Variants in AFF2 observed in about 807,000 individuals in gnomAD.
AFF2 encodes the protein AF4/FMR2 family member 2.
Under a neutral mutation model 76.9 loss-of-function variants are expected in AFF2, and 14 were observed. The ratio of observed to expected loss-of-function variants is 0.18; its 90% CI spans 0.12 to 0.28. The LOEUF (loss-of-function observed/expected upper bound fraction) is 0.28. AFF2 is among the 10% of genes least tolerant of loss of function. The probability of loss-of-function intolerance (pLI) is 1.00; values close to 1 mark genes in which losing one functional copy is unlikely to be tolerated. For synonymous variants in AFF2, 398 were observed against 366.7 expected (o/e 1.09, Z -0.98); for missense variants, 868 against 1,001.1 (o/e 0.87, Z 1.79).
intron 3 of AFF2, among the ~76,000 whole-genome samples, chrX:148,727,708 C>A (rs2055176583): frequency 8.9e-6 from 1 of 112,024 alleles, no homozygotes; most frequent in African/African-American, 3.2e-5. Flanking sequence ...ACTCCCAACT[C>A]TACCTTTTGA....
At chrX:148,833,909 T>G (rs1557273551) in intron 4 of AFF2, among the ~76,000 whole-genome samples, 1 of 111,997 alleles carries the variant, frequency 8.9e-6, no homozygotes, top group Non-Finnish European at 1.9e-5. Context: ...GAGTACAGGA[T>G]CCATTTGAGA....
chrX:148,810,826 A>G (rs2070193740), intron 4 of AFF2, among the ~76,000 whole-genome samples: 1 of 111,645 alleles, frequency 9.0e-6, no homozygotes, highest in Non-Finnish European at 1.9e-5. Context: ...AAAATAATCT[A>G]TGTGCCAGTG....
chrX:148,764,234 GTTACAT>G (rs781884951), intron 3 of AFF2, among the ~76,000 whole-genome samples: 2 of 112,210 alleles, frequency 1.8e-5, no homozygotes, highest in African/African-American at 3.2e-5. Context: ...GACAGGAACA[GTTACAT>G]TTACATCATT....
intron 1 of AFF2, among the ~76,000 whole-genome samples, chrX:148,513,237 G>A (rs952074058): frequency 1.9e-4 from 21 of 111,953 alleles, no homozygotes; most frequent in African/African-American, 9.8e-5. Flanking sequence ...CTTTGCCTAC[G>A]TGCCTATACT....
chrX:148,708,886 T>C lies in AFF2; in HGVS notation c.1041+46118T>C, dbSNP rs782734075. ...TTTAAATTACTATATATTTTACCGTTTTTCTGTATTTAGTAAGAAATTTGC... is the reference window on the plus strand; with the variant it reads ...TTTAAATTACTATATATTTTACCGTCTTTCTGTATTTAGTAAGAAATTTGC... On this transcript the variant is annotated intron_variant, in intron 3 of 20. Coordinates refer to ENST00000370460, the MANE Select transcript of AFF2 (RefSeq NM_002025.4). Among the ~76,000 whole-genome samples the C allele has an allele frequency of 2.7e-5, 3 of 112,178 alleles. No homozygotes were observed. The South Asian group carries it at 1.1e-3, about 41-fold the overall frequency.
At chrX:148,642,811 A>G (rs1202569778) in intron 1 of AFF2, among the ~76,000 whole-genome samples, 1 of 112,468 alleles carries the variant, frequency 8.9e-6, no homozygotes, top group African/African-American at 3.2e-5. Context: ...GATGACATCA[A>G]CTGTGTACTC....
At chrX:148,890,938 T>A (rs187937004) in intron 8 of AFF2, among the ~76,000 whole-genome samples, 2 of 112,462 alleles carry the variant, frequency 1.8e-5, no homozygotes, top group East Asian at 5.6e-4. Context: ...ACTTAGTGTC[T>A]GAATAAACAT....
At position 148,996,435 on chromosome X, in the gene AFF2, C is replaced by G. The variant is rs1052548631; in HGVS notation, c.*5103C>G. On this transcript the variant is annotated 3_prime_UTR_variant, in exon 21 of 21. Coordinates refer to ENST00000370460, the MANE Select transcript of AFF2 (RefSeq NM_002025.4). ...CTACCAACTGTGATGTCACTGAACA[C>G]ATGGTTGGAAAGAGATGCACGCAGT... The G allele has an allele frequency of 2.8e-4, 32 of 112,702 alleles. No homozygotes were observed. Among genetic ancestry groups the G allele is most frequent in the African/African-American group, 1.0e-3 (32 of 31,001 alleles). The allele number at this position is 112,702 out of a possible 1,213,427, so 9.3% of individuals were successfully genotyped here. A position where few individuals can be genotyped will look rare whatever the true frequency, so the allele number is the denominator to read the frequency against.
chrX:148,712,320 T>G (rs1477621685), intron 3 of AFF2, among the ~76,000 whole-genome samples: 4 of 111,754 alleles, frequency 3.6e-5, no homozygotes, highest in Non-Finnish European at 7.5e-5. Context: ...AAGATTAAGT[T>G]CCTGAAAAAC....
chrX:148,881,570 G>T (rs912956688), intron 7 of AFF2, among the ~76,000 whole-genome samples: 3 of 111,389 alleles, frequency 2.7e-5, no homozygotes, highest in African/African-American at 9.8e-5. Flanking sequence ...AGATCTGATG[G>T]ATTTAGGCCA....
chrX:148,955,842 G>A lies in AFF2; in HGVS notation c.1797G>A (p.Arg599=), dbSNP rs1206836902. ...LSLIREKARP[R]PTQKIPETKA... ...TCATTAGGGAGAAAGCCCGTCCACGGCCCACTCAGAAAATTCCAGAAACAA... is the reference window on the plus strand; with the variant it reads ...TCATTAGGGAGAAAGCCCGTCCACGACCCACTCAGAAAATTCCAGAAACAA... Residue 599 remains arginine (R), a synonymous_variant, in exon 11 of 21, where the codon CGG becomes CGA. Coordinates refer to ENST00000370460, the MANE Select transcript of AFF2 (RefSeq NM_002025.4). 2.5e-6 allele frequency: 3 copies of A among 1,209,431 alleles called. No individual in the cohort carries two copies. Among genetic ancestry groups the A allele is most frequent in the Non-Finnish European group, 2.2e-6 (2 of 895,172 alleles).
chrX:148,916,196 CTTTTTTTTTTT>C (rs782508166), intron 9 of AFF2, among the ~76,000 whole-genome samples: 16 of 34,038 alleles, frequency 4.7e-4, no homozygotes, highest in Admixed American at 1.7e-3. Flanking sequence ...GTGGTTTTAA[CTTTTTTTTTTT>C]TTTTTTTTTT....
At chrX:148,546,562 T>C (rs929391024) in intron 1 of AFF2, among the ~76,000 whole-genome samples, 2 of 112,437 alleles carry the variant, frequency 1.8e-5, no homozygotes, top group African/African-American at 6.5e-5. Context: ...AGAACTGAAT[T>C]TGAGACCCAG....
At chrX:148,953,847 A>C in intron 10 of AFF2, 108 bp downstream of exon 10, 1 of 653,609 alleles carries the variant, frequency 1.5e-6, no homozygotes, top group Non-Finnish European at 2.2e-6. Context: ...TTTCAGCACA[A>C]TAATTAATAA....
chrX:148,634,672 A>C (rs781794213), intron 1 of AFF2, among the ~76,000 whole-genome samples: 1 of 112,033 alleles, frequency 8.9e-6, no homozygotes, highest in Non-Finnish European at 1.9e-5. Context: ...AATGATGTGT[A>C]TAAAGCAATT....
chrX:148,843,291 G>C, intron 6 of AFF2, 91 bp from the exon 7 acceptor site: 1 of 790,053 alleles, frequency 1.3e-6, no homozygotes. Context: ...AGGTAACTCG[G>C]GGGACTGCAT....
chrX:148,697,604 A>G (rs2054735704), intron 3 of AFF2, among the ~76,000 whole-genome samples: 1 of 110,323 alleles, frequency 9.1e-6, no homozygotes. Context: ...ACTTTTTTCA[A>G]TCTTTCCCCT....
chrX:148,935,714 A>G (rs1374382209), intron 9 of AFF2, among the ~76,000 whole-genome samples: 2 of 111,819 alleles, frequency 1.8e-5, no homozygotes, highest in Admixed American at 1.9e-4. Flanking sequence ...CAATTTTGAT[A>G]TTTCACAAGA....
rs182957432 is a variant in AFF2 at position 148,855,027 on chromosome X, T to A, written c.1262+11594T>A. 1.6e-4 allele frequency among the ~76,000 whole-genome samples: 18 copies of A among 111,950 alleles called. No individual in the cohort carries two copies. In the East Asian group the frequency reaches 5.1e-3, roughly 32 times the overall value. Reference sequence around the variant, plus strand: ...AAAAGTGATGTTCTCACTCTGAGAATGTTGGTATACTATTTTGCACAAAAC... The same window carrying A: ...AAAAGTGATGTTCTCACTCTGAGAAAGTTGGTATACTATTTTGCACAAAAC... On this transcript the variant is annotated intron_variant, in intron 7 of 20. Transcript: ENST00000370460.
Sources: allele counts gnomAD v4.1 joint callset (sites outside exome capture counted in the v4.1 genomes callset), GRCh38; gene constraint gnomAD v4.1.1; transcripts MANE v1.5; gene names NCBI Gene and HGNC (gene_info 2026-07-23, HGNC 2026-07-21).